SASH1: variants seen among roughly 807,000 people sequenced by gnomAD.
The protein encoded by SASH1 is SAM and SH3 domain containing 1, also known as SAM and SH3 domain-containing protein 1.
A neutral mutation model predicts 125.2 loss-of-function variants in SASH1; 44 were observed. That is an observed-to-expected ratio of 0.35 (90% confidence interval 0.28 to 0.45). SASH1 has a LOEUF of 0.45. Among genes scored for constraint, SASH1 ranks in the 20% least tolerant of loss-of-function variants. The probability of loss-of-function intolerance (pLI) is 1.00; values close to 1 mark genes in which losing one functional copy is unlikely to be tolerated. For missense variants in SASH1, 1,426 were observed against 1,614.5 expected (o/e 0.88, Z 2.00); for synonymous variants, 639 against 649.1 (o/e 0.98, Z 0.24).
Position 148,468,599 on chromosome 6 carries a change from T to G in SASH1, c.427+14T>G. On this transcript the variant is annotated intron_variant, in intron 5 of 19. Transcript: ENST00000367467. ...ACAGCTCTGTAGGTCAGTACCACTTTTCTTGGTTTACCTATTTAATTATTT... is the reference window on the plus strand; with the variant it reads ...ACAGCTCTGTAGGTCAGTACCACTTGTCTTGGTTTACCTATTTAATTATTT... 1.3e-6 allele frequency: 2 copies of G among 1,566,416 alleles called. No individual in the cohort carries two copies. Among genetic ancestry groups the G allele is most frequent in the Non-Finnish European group, 1.7e-6 (2 of 1,142,926 alleles).
At chr6:148,305,623 C>CAAAAAAAAAAAAAAAAAAAAAAAA (rs59521298) in intron 1 of SASH1, among the ~76,000 whole-genome samples, 5 of 104,378 alleles carry the variant, frequency 4.8e-5, no homozygotes, top group Non-Finnish European at 7.4e-5. Context: ...GACTCTGACT[C>CAAAAAAAAAAAAAAAAAAAAAAAA]AAAAAAAAAA....
rs573645544 is a variant in SASH1 at position 148,544,626 on chromosome 6, A to C, written c.3156A>C (p.Pro1052=). Residue 1052 remains proline, a synonymous_variant, in exon 18 of 20, where the codon CCA becomes CCC. Transcript: ENST00000367467. The surrounding 1 kb of genome is among the most constrained non-coding windows in gnomAD (Gnocchi z 6.4). ...TCTCAGGGCAGGCGCCTGGCAGCCC[A>C]CCAAGCACAAGGCCGCCCCCCTGGC... ...RPLSGQAPGS[P]PSTRPPPWLS... 1.9e-6 allele frequency: 3 copies of C among 1,613,092 alleles called. No homozygotes were observed. Among genetic ancestry groups the C allele is most frequent in the Non-Finnish European group, 2.5e-6 (3 of 1,179,830 alleles).
intron 1 of SASH1, among the ~76,000 whole-genome samples, chr6:148,328,147 T>C (rs1780892128): frequency 6.6e-6 from 1 of 152,142 alleles, no homozygotes; most frequent in African/African-American, 2.4e-5. Flanking sequence ...CCTCGAGTGA[T>C]TCTCCAGCCT....
intron 1 of SASH1, among the ~76,000 whole-genome samples, chr6:148,378,102 A>T (rs561596199): frequency 6.7e-6 from 1 of 148,768 alleles, no homozygotes; most frequent in South Asian, 2.1e-4. Context: ...CCCAGGCTGG[A>T]GTGCAGTGGC....
the SASH1 span, among the ~76,000 whole-genome samples, chr6:148,260,506 C>T: frequency 7.3e-5 from 11 of 150,760 alleles, no homozygotes; most frequent in African/African-American, 2.2e-4. Context: ...CTTGGGAGGC[C>T]GAGGCAGGAG....
At position 148,467,858 on chromosome 6, in the gene SASH1, AC is replaced by A. The variant is rs778501490; in HGVS notation, c.387-684del. Reference sequence around the variant, plus strand: ...AGGCTGAGACAGGAGAATCGCTTGAACCCAGGAGGCGGAGGTTGCAGTGAGC... The same window carrying A: ...AGGCTGAGACAGGAGAATCGCTTGAACCAGGAGGCGGAGGTTGCAGTGAGC... On this transcript the variant is annotated intron_variant, in intron 4 of 19. Transcript: ENST00000367467. 3.9e-5 allele frequency among the ~76,000 whole-genome samples: 6 copies of A among 152,110 alleles called. No homozygotes were observed. In the East Asian group the frequency reaches 7.7e-4, roughly 20 times the overall value.
chr6:148,362,151 T>A (rs1034700417), intron 1 of SASH1, among the ~76,000 whole-genome samples: 3 of 151,892 alleles, frequency 2.0e-5, no homozygotes, highest in Non-Finnish European at 2.9e-5. Flanking sequence ...ATGGTCTCGA[T>A]ATCCTGACCT....
In SASH1 at chr6:148,343,026, C is replaced by CCGCGGGGACTGGGA; in HGVS notation, c.-38_-25dup. 2.6e-6 allele frequency: 3 copies of CCGCGGGGACTGGGA among 1,172,968 alleles called. No homozygotes were observed. The highest frequency in any genetic ancestry group is 3.2e-6 in the Non-Finnish European group (3 of 950,998). The allele number at this position is 1,172,968 out of a possible 1,614,324, so 72.7% of individuals were successfully genotyped here. A position where few individuals can be genotyped will look rare whatever the true frequency, so the allele number is the denominator to read the frequency against. On this transcript the variant is annotated 5_prime_UTR_variant, in exon 1 of 20. Coordinates refer to ENST00000367467, the MANE Select transcript of SASH1 (RefSeq NM_015278.5). ...TGCGCGCGGGTGCGGGGCGAGGGCG[C>CCGCGGGGACTGGGA]CGCGGGGACTGGGACGCACGGCCCG...
At chr6:148,366,154 G>A (rs1245013471) in intron 1 of SASH1, among the ~76,000 whole-genome samples, 3 of 151,900 alleles carry the variant, frequency 2.0e-5, no homozygotes, top group African/African-American at 4.8e-5. Context: ...GCATGGTAGC[G>A]CTGCCTGTAT....
intron 1 of SASH1, among the ~76,000 whole-genome samples, chr6:148,337,499 C>T (rs112446707): frequency 6.6e-6 from 1 of 152,090 alleles, no homozygotes; most frequent in Non-Finnish European, 1.5e-5. Context: ...GGTGGGATTA[C>T]AGGCGTGAGC....
chr6:148,489,074 G>T (rs897750256), intron 8 of SASH1, among the ~76,000 whole-genome samples: 8 of 151,952 alleles, frequency 5.3e-5, no homozygotes, highest in African/African-American at 1.2e-4. Flanking sequence ...TTGCCCTCTG[G>T]TTTTTTCTGA....
At chr6:148,219,347 C>T in the SASH1 span, among the ~76,000 whole-genome samples, 2 of 152,120 alleles carry the variant, frequency 1.3e-5, no homozygotes, top group Non-Finnish European at 2.9e-5. Flanking sequence ...TCTCATCCAC[C>T]CTGCACAGAA....
chr6:148,236,167 A>G, the SASH1 span, among the ~76,000 whole-genome samples: 2 of 152,138 alleles, frequency 1.3e-5, no homozygotes, highest in African/African-American at 2.4e-5. Flanking sequence ...GGGAACAGGA[A>G]GGAACACAGA....
the SASH1 span, among the ~76,000 whole-genome samples, chr6:148,203,048 A>C: frequency 0.022 from 3,309 of 152,334 alleles, 53 homozygotes; most frequent in East Asian, 0.06. Flanking sequence ...AAATTTAGAA[A>C]TGGGAAATCT....
At chr6:148,283,447 A>T (rs2128506360) in intron 1 of SASH1, 1 of 152,376 alleles carries the variant, frequency 6.6e-6, no homozygotes, top group South Asian at 2.1e-4. Context: ...CAGAAACCAC[A>T]CAGCATCACA....
chr6:148,331,227 AC>A (rs1287603679), intron 1 of SASH1, among the ~76,000 whole-genome samples: 1 of 152,262 alleles, frequency 6.6e-6, no homozygotes, highest in Non-Finnish European at 1.5e-5. Context: ...GTTCAGAATT[AC>A]AAGTGGCTTT....
At chr6:148,330,422 A>G (rs1214339529) in intron 1 of SASH1, among the ~76,000 whole-genome samples, 1 of 152,226 alleles carries the variant, frequency 6.6e-6, no homozygotes, top group Non-Finnish European at 1.5e-5. Flanking sequence ...CAAGAGAGAC[A>G]GCCAAGTGGA....
At chr6:148,398,333 T>C (rs1174806684) in intron 2 of SASH1, among the ~76,000 whole-genome samples, 1 of 152,230 alleles carries the variant, frequency 6.6e-6, no homozygotes, top group Admixed American at 6.5e-5. Context: ...CACGCAGACA[T>C]GCGCACATAG....
At chr6:148,280,242 A>G (rs1381930105) in intron 1 of SASH1, 1 of 151,902 alleles carries the variant, frequency 6.6e-6, no homozygotes, top group Non-Finnish European at 1.5e-5. Context: ...ACCTAGCACT[A>G]GAACCTGCCT....
Sources: gnomAD v4.1 joint callset for allele counts (sites outside exome capture counted in the v4.1 genomes callset) on GRCh38, gnomAD v4.1.1 for gene constraint, Gnocchi (gnomAD v3.1) non-coding constraint, MANE v1.5 for transcripts, NCBI Gene and HGNC (gene_info 2026-07-23, HGNC 2026-07-21) for gene names.